SEMA3C: variants seen among roughly 807,000 people sequenced by gnomAD.
SEMA3C encodes semaphorin 3C, also known as semaphorin-3C.
A neutral mutation model predicts 89.4 loss-of-function variants in SEMA3C; 47 were observed. The observed-to-expected ratio is 0.53, with a 90% confidence interval of 0.42 to 0.67. The LOEUF (loss-of-function observed/expected upper bound fraction) is 0.67. Among genes scored for constraint, SEMA3C ranks in the 30% least tolerant of loss-of-function variants. The pLI is 0.00. For missense variants in SEMA3C, 839 were observed against 929.1 expected, an observed-to-expected ratio of 0.90 and a Z score of 1.26; for synonymous variants, 310 against 320.2, an observed-to-expected ratio of 0.97 and a Z score of 0.34.
At chr7:80,764,316 T>C (rs536721894) in intron 13 of SEMA3C, among the ~76,000 whole-genome samples, 5 of 152,196 alleles carry the variant, frequency 3.3e-5, no homozygotes, top group Non-Finnish European at 5.9e-5. Context: ...TTGGAAATAG[T>C]GTTCTGCAGC....
chr7:80,771,966 T>C (rs952759584), intron 12 of SEMA3C, among the ~76,000 whole-genome samples: 1 of 152,162 alleles, frequency 6.6e-6, no homozygotes, highest in Non-Finnish European at 1.5e-5. Context: ...TAGTATTAAT[T>C]TAAAGTACTA....
intron 2 of SEMA3C, among the ~76,000 whole-genome samples, chr7:80,849,784 G>A (rs1053220272): frequency 6.6e-6 from 1 of 152,008 alleles, no homozygotes; most frequent in Non-Finnish European, 1.5e-5. Flanking sequence ...AAATCATAAA[G>A]AAAAGAATGA....
rs1044295830 is a variant in SEMA3C at position 80,889,289 on chromosome 7, A to C, written c.103+27390T>G. Among the ~76,000 whole-genome samples, 3 of 152,246 alleles carry C rather than the reference A, an allele frequency of 2.0e-5. No individual in the cohort carries two copies. The East Asian group carries it at 5.8e-4, about 29-fold the overall frequency. ...GGTATAATAAATGTAAAGATTGTGAAGTTTACAGGAATAAGATGTAGTAAA... is the reference window on the plus strand; with the variant it reads ...GGTATAATAAATGTAAAGATTGTGACGTTTACAGGAATAAGATGTAGTAAA... On this transcript the variant is annotated intron_variant, in intron 2 of 17. Transcript: ENST00000265361.
chr7:80,828,442 A>G (rs1789930259), intron 3 of SEMA3C, 143 bp downstream of exon 3: 9 of 640,504 alleles, frequency 1.4e-5, no homozygotes, highest in Non-Finnish European at 2.2e-5. Context: ...AGTCCATGAA[A>G]TAAGTACTAA....
chr7:80,819,230 A>ATTT (rs770706038), intron 4 of SEMA3C, among the ~76,000 whole-genome samples: 13,071 of 152,194 alleles, frequency 0.086, 578 homozygotes, highest in African/African-American at 0.1. Context: ...AAATATTAAA[A>ATTT]CAACATGGCT....
intron 14 of SEMA3C, among the ~76,000 whole-genome samples, chr7:80,758,829 C>A (rs1788124385): frequency 6.6e-6 from 1 of 152,012 alleles, no homozygotes; most frequent in Non-Finnish European, 1.5e-5. Flanking sequence ...TGTATCTTAG[C>A]AAAGCACAAG....
At position 80,767,549 on chromosome 7, in the gene SEMA3C, T is replaced by A. The variant is rs76633669; in HGVS notation, c.1355-2306A>T. 4.6e-4 allele frequency among the ~76,000 whole-genome samples: 70 copies of A among 152,302 alleles called. 1 individual carries two copies. The highest frequency in any genetic ancestry group is 1.5e-3 in the African/African-American group (63 of 41,568). On this transcript the variant is annotated intron_variant, in intron 12 of 17. Coordinates refer to ENST00000265361, the MANE Select transcript of SEMA3C (RefSeq NM_006379.5). ...TAGCAATGTGGGGGTTAAAGCAAAT[T>A]TGTGAGTAATCTGGCAAAGTAAAAA...
intron 2 of SEMA3C, among the ~76,000 whole-genome samples, chr7:80,892,824 G>GT (rs1429794443): frequency 6.6e-6 from 1 of 152,000 alleles, no homozygotes. Flanking sequence ...TGTATTTGAT[G>GT]TTTTTTTCCT....
intron 11 of SEMA3C, among the ~76,000 whole-genome samples, chr7:80,792,854 A>G (rs1038948305): frequency 2.6e-4 from 39 of 152,290 alleles, no homozygotes; most frequent in Admixed American, 1.8e-3. Flanking sequence ...CACAAACACA[A>G]ATTGATTGCC....
At chr7:80,817,797 C>A (rs1163508988) in intron 5 of SEMA3C, among the ~76,000 whole-genome samples, 6 of 152,056 alleles carry the variant, frequency 3.9e-5, no homozygotes, top group Non-Finnish European at 5.9e-5. Flanking sequence ...TGGCATCCCA[C>A]TTTATACATC....
intron 2 of SEMA3C, among the ~76,000 whole-genome samples, chr7:80,840,898 T>C (rs1032297545): frequency 6.6e-6 from 1 of 152,160 alleles, no homozygotes; most frequent in Non-Finnish European, 1.5e-5. Flanking sequence ...GAAACAATCA[T>C]GTAAACTTTG....
chr7:80,811,635 T>C (rs117629718), intron 5 of SEMA3C, among the ~76,000 whole-genome samples: 1,602 of 152,282 alleles, frequency 0.011, 15 homozygotes, highest in Non-Finnish European at 0.017. Flanking sequence ...AAAGTTATCC[T>C]GAAAGAAATA....
intron 12 of SEMA3C, among the ~76,000 whole-genome samples, chr7:80,771,184 G>C (rs1248669285): frequency 6.6e-6 from 1 of 152,206 alleles, no homozygotes; most frequent in East Asian, 1.9e-4. Flanking sequence ...GTAAATGGAA[G>C]TTATGTTTTA....
At chr7:80,871,719 G>A (rs1156960982) in intron 2 of SEMA3C, among the ~76,000 whole-genome samples, 1 of 152,100 alleles carries the variant, frequency 6.6e-6, no homozygotes, top group Non-Finnish European at 1.5e-5. Context: ...AACAATAGGT[G>A]AGATCATTTT....
At chr7:80,803,847 G>C (rs560316216) in intron 8 of SEMA3C, among the ~76,000 whole-genome samples, 17 of 151,982 alleles carry the variant, frequency 1.1e-4, no homozygotes, top group African/African-American at 3.1e-4. Context: ...ATATTTTCTT[G>C]AATTAAGATT....
At chr7:80,865,695 T>C (rs1790909738) in intron 2 of SEMA3C, among the ~76,000 whole-genome samples, 1 of 151,962 alleles carries the variant, frequency 6.6e-6, no homozygotes, top group African/African-American at 2.4e-5. Context: ...TTCGGGAGGC[T>C]GAGACAGGAG....
rs1357121995 is a variant in SEMA3C at position 80,828,809 on chromosome 7, TA to T, written c.104-65del. 4 of 1,210,798 alleles carry T rather than the reference TA, an allele frequency of 3.3e-6. No homozygotes were observed. In the African/African-American group the frequency reaches 6.2e-5, roughly 19 times the overall value. 75.0% of individuals were successfully genotyped at this position (1,210,798 alleles called of 1,614,324 possible). A position where few individuals can be genotyped will look rare whatever the true frequency, so the allele number is the denominator to read the frequency against. ...TGGTTCTATAATTCTATTATTTTAA[TA>T]AAAACTATTATGCAAATATTCCAAA... On this transcript the variant is annotated intron_variant, in intron 2 of 17. Coordinates refer to ENST00000265361, the MANE Select transcript of SEMA3C (RefSeq NM_006379.5).
intron 2 of SEMA3C, among the ~76,000 whole-genome samples, chr7:80,864,564 G>C (rs1185503348): frequency 6.6e-6 from 1 of 151,746 alleles, no homozygotes; most frequent in African/African-American, 2.4e-5. Context: ...ACACAATGTA[G>C]AAGAAAAAAA....
intron 16 of SEMA3C, 90 bp from the exon 17 acceptor site, chr7:80,749,118 T>G: frequency 7.7e-7 from 1 of 1,292,434 alleles, no homozygotes; most frequent in Non-Finnish European, 1.0e-6. Flanking sequence ...TATACATGTT[T>G]ATTTTTATAC....
Sources: gnomAD v4.1 joint callset for allele counts (sites outside exome capture counted in the v4.1 genomes callset) on GRCh38, gnomAD v4.1.1 for gene constraint, MANE v1.5 for transcripts, NCBI Gene and HGNC (gene_info 2026-07-23, HGNC 2026-07-21) for gene names.